HS2ST1: variants seen among roughly 807,000 people sequenced by gnomAD.
HS2ST1 encodes the protein heparan sulfate 2-O-sulfotransferase 1, also known as 2-O-sulfotransferase.
Under a neutral mutation model 42.9 loss-of-function variants are expected in HS2ST1, and 18 were observed. That is an observed-to-expected ratio of 0.42 (90% confidence interval 0.29 to 0.62). HS2ST1 has a LOEUF of 0.62. Ranked by LOEUF, HS2ST1 falls within the 20% of genes least tolerant of loss-of-function variation. The pLI, the probability that HS2ST1 is intolerant of heterozygous loss-of-function variation, is 0.21. For synonymous variants in HS2ST1, 146 were observed against 152.9 expected (o/e 0.95, Z 0.33); for missense variants, 334 against 433.8 (o/e 0.77, Z 2.04).
Position 86,925,985 on chromosome 1 carries a change from T to G in HS2ST1, c.124+10825T>G, listed in dbSNP as rs563912797. 2.6e-5 allele frequency among the ~76,000 whole-genome samples: 4 copies of G among 152,340 alleles called. No homozygotes were observed. The East Asian group carries it at 7.7e-4, about 29-fold the overall frequency. ...GGTCCTGGATATTTCCATATTCCTATAAATACTTTCAAACTTTGTTTTGGG... is the reference window on the plus strand; with the variant it reads ...GGTCCTGGATATTTCCATATTCCTAGAAATACTTTCAAACTTTGTTTTGGG... On this transcript the variant is annotated intron_variant, in intron 1 of 6. Transcript: ENST00000370550.
At chr1:87,092,733 CT>C (rs1651975611) in intron 4 of HS2ST1, 64 bp downstream of exon 4, 1 of 1,022,498 alleles carries the variant, frequency 9.8e-7, no homozygotes, top group Non-Finnish European at 1.3e-6. Context: ...GAGCAATGTG[CT>C]TTTAAAATTT....
At chr1:87,063,797 G>T (rs1418041414) in intron 1 of HS2ST1, among the ~76,000 whole-genome samples, 4 of 152,144 alleles carry the variant, frequency 2.6e-5, no homozygotes, top group Non-Finnish European at 5.9e-5. Flanking sequence ...TTATTTTGGT[G>T]TTGGTCATTT....
intron 1 of HS2ST1, among the ~76,000 whole-genome samples, chr1:87,004,058 G>C (rs947411148): frequency 7.9e-5 from 12 of 151,936 alleles, no homozygotes; most frequent in African/African-American, 2.9e-4. Context: ...AACAGCTTCT[G>C]AATCTTTTTT....
rs201870001 is a variant in HS2ST1 at position 87,084,775 on chromosome 1, A to AC, written c.449+503dup. On this transcript the variant is annotated intron_variant, in intron 3 of 6. Coordinates refer to ENST00000370550, the MANE Select transcript of HS2ST1 (RefSeq NM_012262.4). ...AAAAAAATTCATGATTTCCTCTCTC[A>AC]CCCCCCCTCTCCTTCTCCCTCTCTC... is the stretch of plus-strand genomic sequence containing the variant. Among the ~76,000 whole-genome samples, 403 of 142,600 alleles carry AC rather than the reference A, an allele frequency of 2.8e-3. 1 individual carries two copies. The highest frequency in any genetic ancestry group is 0.01 in the African/African-American group (378 of 37,798). The allele number at this position is 142,600 out of a possible 152,430, so 93.6% of individuals were successfully genotyped here. A position where few individuals can be genotyped will look rare whatever the true frequency, so the allele number is the denominator to read the frequency against.
chr1:87,016,559 ATTGT>A (rs1436410265), intron 1 of HS2ST1, among the ~76,000 whole-genome samples: 2 of 152,144 alleles, frequency 1.3e-5, no homozygotes, highest in Non-Finnish European at 2.9e-5. Flanking sequence ...ATTTTATTAC[ATTGT>A]TTATTTCAGA....
chr1:86,960,884 C>T (rs1647820915), intron 1 of HS2ST1, among the ~76,000 whole-genome samples: 1 of 152,150 alleles, frequency 6.6e-6, no homozygotes, highest in South Asian at 2.1e-4. Flanking sequence ...TAAACATATT[C>T]TTACCATATG....
intron 1 of HS2ST1, among the ~76,000 whole-genome samples, chr1:86,918,966 T>A (rs1015520411): frequency 6.6e-6 from 1 of 150,920 alleles, no homozygotes; most frequent in Non-Finnish European, 1.5e-5. Context: ...TTTTTTTTAT[T>A]TTTATTTATT....
In HS2ST1 at chr1:87,107,333, A is replaced by T. The variant is rs1376944727; in HGVS notation, c.*2637A>T. On this transcript the variant is annotated 3_prime_UTR_variant, in exon 7 of 7. Transcript: ENST00000370550. The stretch of plus-strand genomic sequence containing the variant: ...TTTATTTCCCAGTTTAACAGTTCAG[A>T]ATAGGGGCATTTATTTTATCATATT... The T allele has an allele frequency of 6.6e-6, 1 of 152,018 alleles. No homozygotes were observed. The highest frequency in any genetic ancestry group is 2.4e-5 in the African/African-American group (1 of 41,430). 9.4% of individuals were successfully genotyped at this position (152,018 alleles called of 1,614,324 possible).
chr1:86,975,876 C>T (rs761085605), intron 1 of HS2ST1, among the ~76,000 whole-genome samples: 17 of 152,272 alleles, frequency 1.1e-4, no homozygotes, highest in East Asian at 3.9e-4. Context: ...CTAAAAATCA[C>T]GACCTTTCTA....
intron 1 of HS2ST1, among the ~76,000 whole-genome samples, chr1:86,964,301 G>C (rs1046168885): frequency 1.2e-4 from 18 of 152,240 alleles, no homozygotes; most frequent in Non-Finnish European, 2.5e-4. Context: ...GGGAGGTGGA[G>C]GTTGTAGCTA....
intron 1 of HS2ST1, among the ~76,000 whole-genome samples, chr1:87,026,464 G>A (rs1650088409): frequency 6.6e-6 from 1 of 152,100 alleles, no homozygotes; most frequent in African/African-American, 2.4e-5. Flanking sequence ...AATATTTTGG[G>A]AGGTAAGGTT....
chr1:87,024,631 G>A (rs1363881347), intron 1 of HS2ST1, among the ~76,000 whole-genome samples: 3 of 152,066 alleles, frequency 2.0e-5, no homozygotes, highest in Non-Finnish European at 4.4e-5. Flanking sequence ...TATGAAATAG[G>A]GATAATTAAA....
chr1:87,065,125 G>A (rs1651215520), intron 1 of HS2ST1, among the ~76,000 whole-genome samples: 1 of 152,210 alleles, frequency 6.6e-6, no homozygotes, highest in South Asian at 2.1e-4. Flanking sequence ...CAGTTAAATA[G>A]CCTCACAACA....
At chr1:87,090,001 T>C (rs977375952) in intron 3 of HS2ST1, among the ~76,000 whole-genome samples, 3 of 152,010 alleles carry the variant, frequency 2.0e-5, no homozygotes, top group East Asian at 1.9e-4. Context: ...ATGGAGAGGA[T>C]AGAGAGGATT....
rs552713297 is a variant in HS2ST1 at position 86,935,455 on chromosome 1, C to CTTT, written c.124+20318_124+20320dup. Among the ~76,000 whole-genome samples the CTTT allele has an allele frequency of 5.2e-3, 321 of 62,052 alleles. 1 individual carries two copies. The highest frequency in any genetic ancestry group is 6.5e-3 in the African/African-American group (87 of 13,378). The allele number at this position is 62,052 out of a possible 152,430, so 40.7% of individuals were successfully genotyped here. ...GAGGTTTTGTAATTTTCTTTTTCTC[C>CTTT]TTTTTTTTTTTTTTTTTTTTTTTTT... On this transcript the variant is annotated intron_variant, in intron 1 of 6. Coordinates refer to ENST00000370550, the MANE Select transcript of HS2ST1 (RefSeq NM_012262.4).
At chr1:86,919,220 C>T (rs1464808932) in intron 1 of HS2ST1, among the ~76,000 whole-genome samples, 2 of 152,116 alleles carry the variant, frequency 1.3e-5, no homozygotes. Context: ...GCTGGGATTA[C>T]AGGCATGAGC....
intron 1 of HS2ST1, among the ~76,000 whole-genome samples, chr1:86,916,082 C>T (rs566248975): frequency 1.4e-4 from 22 of 152,092 alleles, no homozygotes; most frequent in African/African-American, 5.1e-4. Flanking sequence ...GAAAGACAGG[C>T]CAGAAAAAAG....
rs75694378 is a variant in HS2ST1, at chr1:86,925,988, A to T, written c.124+10828A>T. Among the ~76,000 whole-genome samples the T allele has an allele frequency of 1.5e-3, 221 of 152,286 alleles. 1 individual carries two copies. Among genetic ancestry groups the T allele is most frequent in the African/African-American group, 5.1e-3 (210 of 41,568 alleles). ...CCTGGATATTTCCATATTCCTATAA[A>T]TACTTTCAAACTTTGTTTTGGGACA... On this transcript the variant is annotated intron_variant, in intron 1 of 6. Transcript: ENST00000370550.
At chr1:87,026,290 G>A (rs1183892371) in intron 1 of HS2ST1, among the ~76,000 whole-genome samples, 2 of 152,174 alleles carry the variant, frequency 1.3e-5, no homozygotes, top group Non-Finnish European at 2.9e-5. Context: ...TATTCTAAGA[G>A]CATGCTTTAG....
Sources: allele counts gnomAD v4.1 joint callset (sites outside exome capture counted in the v4.1 genomes callset), GRCh38; gene constraint gnomAD v4.1.1; transcripts MANE v1.5; gene names NCBI Gene and HGNC (gene_info 2026-07-23, HGNC 2026-07-21).